SCP2: variants seen among roughly 807,000 people sequenced by gnomAD.
SCP2 encodes sterol carrier protein 2, also known as SCP-2/3-oxoacyl-CoA thiolase.
In SCP2, 48 loss-of-function variants were observed where a neutral mutation model predicts 71.4. The observed-to-expected ratio is 0.67, with a 90% CI of 0.53 to 0.86. SCP2 has a LOEUF of 0.86. Ranked by LOEUF, SCP2 falls within the 40% of genes least tolerant of loss-of-function variation. The pLI, the probability that SCP2 is intolerant of heterozygous loss-of-function variation, is 0.00. For missense variants in SCP2, 560 were observed against 655.6 expected, an observed-to-expected ratio of 0.85 and a Z score of 1.59; for synonymous variants, 220 against 218.1, an observed-to-expected ratio of 1.01 and a Z score of -0.08.
rs1271967930 is a variant in SCP2, at chr1:53,015,060, G to C, written c.1235+17G>C. ...AGCCGCCAGGTGAGTGACATTCAGA[G>C]TTTTGTGTGTCAGTTAATCCTTCTG... On this transcript the variant is annotated intron_variant, in intron 12 of 15. Coordinates refer to ENST00000371514, the MANE Select transcript of SCP2 (RefSeq NM_002979.5). The C allele has an allele frequency of 1.2e-6, 2 of 1,612,410 alleles. No homozygotes were observed. Among genetic ancestry groups the C allele is most frequent in the Admixed American group, 1.7e-5 (1 of 60,020 alleles).
intron 11 of SCP2, chr1:52,993,291 C>A (rs750043013): frequency 6.2e-7 from 1 of 1,614,040 alleles, no homozygotes; most frequent in South Asian, 1.1e-5. Flanking sequence ...TTCCTGATAA[C>A]CCGGACAAGT....
chr1:52,962,217 A>G (rs1284783668), intron 6 of SCP2, among the ~76,000 whole-genome samples: 1 of 152,140 alleles, frequency 6.6e-6, no homozygotes, highest in African/African-American at 2.4e-5. Context: ...CTATAAATTG[A>G]GGATCTTAAA....
intron 14 of SCP2, among the ~76,000 whole-genome samples, chr1:53,046,658 C>T (rs1663842099): frequency 6.6e-6 from 1 of 152,078 alleles, no homozygotes; most frequent in Non-Finnish European, 1.5e-5. Context: ...TCTTCTCCTC[C>T]CTCTGTCTGC....
rs75664275 is a variant in SCP2, at chr1:52,984,479, G to T, written c.974-3550G>T. 5.3e-4 allele frequency among the ~76,000 whole-genome samples: 80 copies of T among 151,700 alleles called. 1 individual carries two copies. The highest frequency in any genetic ancestry group is 4.0e-3 in the South Asian group (19 of 4,806). On this transcript the variant is annotated intron_variant, in intron 10 of 15. Transcript: ENST00000371514. ...TAGTGAACATATTCTGCCTAATATGGAACTTAATCTAAAAGTTAAATATTT... is the reference window on the plus strand; with the variant it reads ...TAGTGAACATATTCTGCCTAATATGTAACTTAATCTAAAAGTTAAATATTT...
At chr1:52,946,063 G>A (rs1310547778) in intron 2 of SCP2, among the ~76,000 whole-genome samples, 1 of 149,890 alleles carries the variant, frequency 6.7e-6, no homozygotes, top group Non-Finnish European at 1.5e-5. Context: ...CAAGTAGCTG[G>A]GACCACAGAC....
In SCP2 at chr1:53,038,930, T is replaced by G. The variant is rs1226049845; in HGVS notation, c.1352T>G (p.Phe451Cys). ...TTTTCTTTCCAGGAAGGGGAACAGT[T>G]TGTGAAGAAAATCGGTGGTATTTTT... ...EKKLEEEGEQ[F>C]VKKIGGIFAF... The change falls in exon 14 of 16, where the codon TTT (phenylalanine) becomes TGT (cysteine). Residue 451 changes from phenylalanine (F) to cysteine (C), a missense_variant. Transcript: ENST00000371514. 1 of 1,614,078 alleles carries G rather than the reference T, an allele frequency of 6.2e-7. No individual in the cohort carries two copies.
intron 1 of SCP2, 22 bp downstream of exon 1, chr1:52,927,487 C>T: frequency 6.4e-7 from 1 of 1,574,222 alleles, no homozygotes; most frequent in Non-Finnish European, 8.6e-7. Flanking sequence ...AGCGGCCCTG[C>T]TGGCCCTCTG....
At chr1:53,035,343 A>G (rs1662850980) in intron 13 of SCP2, among the ~76,000 whole-genome samples, 1 of 152,182 alleles carries the variant, frequency 6.6e-6, no homozygotes, top group Admixed American at 6.5e-5. Context: ...AAAACAATAT[A>G]AAATACCTAA....
intron 6 of SCP2, among the ~76,000 whole-genome samples, chr1:52,964,938 C>G (rs1415139284): frequency 6.6e-6 from 1 of 152,040 alleles, no homozygotes; most frequent in Non-Finnish European, 1.5e-5. Flanking sequence ...TGCTTGAACC[C>G]GAGAGGTAGA....
chr1:53,036,793 T>C (rs901251084), intron 13 of SCP2, among the ~76,000 whole-genome samples: 1 of 140,768 alleles, frequency 7.1e-6, no homozygotes. Context: ...ACAAAACCCA[T>C]TTTTTTTCTC....
chr1:53,004,779 G>A (rs560337454), intron 11 of SCP2, among the ~76,000 whole-genome samples: 6 of 152,288 alleles, frequency 3.9e-5, no homozygotes, highest in Admixed American at 2.0e-4. Flanking sequence ...GGGGCTTGTC[G>A]GACAGTGGGT....
chr1:52,948,359 A>G (rs1293229249), intron 3 of SCP2, among the ~76,000 whole-genome samples: 2 of 152,184 alleles, frequency 1.3e-5, no homozygotes, highest in African/African-American at 4.8e-5. Flanking sequence ...CCTTTTTAAA[A>G]ATATGGCCAG....
intron 13 of SCP2, 62 bp downstream of exon 13, chr1:53,028,133 T>G: frequency 5.4e-6 from 5 of 917,982 alleles, no homozygotes; most frequent in Non-Finnish European, 9.0e-6. Flanking sequence ...AGACACAGGT[T>G]TCAGGTGTTG....
chr1:52,989,072 C>T (rs571699690), intron 11 of SCP2, among the ~76,000 whole-genome samples: 1 of 152,298 alleles, frequency 6.6e-6, no homozygotes, highest in South Asian at 2.1e-4. Context: ...TTTACAGCTG[C>T]CTATCTATTT....
intron 11 of SCP2, among the ~76,000 whole-genome samples, chr1:52,992,364 C>A (rs1659577130): frequency 6.6e-6 from 1 of 152,142 alleles, no homozygotes; most frequent in Non-Finnish European, 1.5e-5. Flanking sequence ...TCATCTCTGA[C>A]CCCAGAAAGA....
In SCP2 at chr1:53,018,146, C is replaced by T. The variant is rs78027444; in HGVS notation, c.1235+3103C>T. Reference sequence around the variant, plus strand: ...CTGAGATTACAGGCATGGACCATTGCGCCTGGCCTGAATTTCTTTTTCAAT... The same window carrying T: ...CTGAGATTACAGGCATGGACCATTGTGCCTGGCCTGAATTTCTTTTTCAAT... On this transcript the variant is annotated intron_variant, in intron 12 of 15. Transcript: ENST00000371514. Among the ~76,000 whole-genome samples, 509 of 152,254 alleles carry T rather than the reference C, an allele frequency of 3.3e-3. 2 individuals carry two copies. Among genetic ancestry groups the T allele is most frequent in the African/African-American group, 0.012 (483 of 41,534 alleles).
intron 2 of SCP2, among the ~76,000 whole-genome samples, chr1:52,944,899 G>A (rs778205707): frequency 5.9e-5 from 9 of 151,708 alleles, no homozygotes; most frequent in Non-Finnish European, 7.4e-5. Context: ...CACCCGCCTC[G>A]GCCTCCCAAA....
chr1:53,028,789 G>A (rs1441600137), intron 13 of SCP2, among the ~76,000 whole-genome samples: 1 of 151,784 alleles, frequency 6.6e-6, no homozygotes, highest in Non-Finnish European at 1.5e-5. Context: ...GTTTTGTTTT[G>A]TTCTGAGACA....
chr1:53,034,635 C>T (rs879602165), intron 13 of SCP2, among the ~76,000 whole-genome samples: 3 of 152,038 alleles, frequency 2.0e-5, no homozygotes, highest in African/African-American at 7.3e-5. Context: ...TGTTGTAAAA[C>T]AAAACACAAC....
Sources: gnomAD v4.1 joint callset for allele counts (sites outside exome capture counted in the v4.1 genomes callset) on GRCh38, gnomAD v4.1.1 for gene constraint, MANE v1.5 for transcripts, NCBI Gene and HGNC (gene_info 2026-07-23, HGNC 2026-07-21) for gene names.